LCMT1: variants seen among roughly 807,000 people sequenced by gnomAD.
LCMT1 encodes the protein leucine carboxyl methyltransferase 1.
Under a neutral mutation model 47.7 loss-of-function variants are expected in LCMT1, and 32 were observed. The observed-to-expected ratio is 0.67, with a 90% CI of 0.51 to 0.90. The LOEUF is 0.90. Ranked by LOEUF, LCMT1 falls within the 40% of genes least tolerant of loss-of-function variation. The probability of loss-of-function intolerance (pLI) is 0.00; values close to 1 mark genes in which losing one functional copy is unlikely to be tolerated. For synonymous variants in LCMT1, 152 were observed against 149.7 expected (o/e 1.02, Z -0.11); for missense variants, 375 against 415.2 (o/e 0.90, Z 0.84).
intron 1 of LCMT1, among the ~76,000 whole-genome samples, chr16:25,118,279 T>C (rs1315952450): frequency 1.3e-5 from 2 of 152,026 alleles, no homozygotes; most frequent in Admixed American, 6.6e-5. Flanking sequence ...CGCCATCCTT[T>C]CAGTTCATCT....
chr16:25,116,138 A>G (rs1378370051), intron 1 of LCMT1, among the ~76,000 whole-genome samples: 2 of 152,314 alleles, frequency 1.3e-5, no homozygotes, highest in Non-Finnish European at 2.9e-5. Context: ...CATCAGTAAG[A>G]GAGTGTTAGA....
chr16:25,156,342 T>C (rs1206547852), intron 5 of LCMT1, among the ~76,000 whole-genome samples: 1 of 152,238 alleles, frequency 6.6e-6, no homozygotes, highest in Non-Finnish European at 1.5e-5. Context: ...TTTACCACTG[T>C]AATCTCTGCA....
At chr16:25,154,291 G>C (rs1203163661) in intron 5 of LCMT1, among the ~76,000 whole-genome samples, 1 of 151,760 alleles carries the variant, frequency 6.6e-6, no homozygotes, top group African/African-American at 2.4e-5. Context: ...GATTACAGGC[G>C]TGAGCCACTG....
intron 1 of LCMT1, among the ~76,000 whole-genome samples, chr16:25,122,303 GA>G (rs1367928041): frequency 1.3e-5 from 2 of 151,580 alleles, no homozygotes; most frequent in African/African-American, 4.8e-5. Flanking sequence ...CTCTCCTGAT[GA>G]TGATGATGAT....
Position 25,170,741 on chromosome 16 carries a change from GA to G in LCMT1, c.823del (p.Thr275GlnfsTer7), listed in dbSNP as rs1567329443. The G allele has an allele frequency of 1.2e-6, 2 of 1,613,464 alleles. No homozygotes were observed. The highest frequency in any genetic ancestry group is 1.3e-5 in the African/African-American group (1 of 75,016). Reference sequence around the variant, plus strand: ...AGAACGGCTCCTGTCGAATGGGTGGGAAACAGCATCGGCCGTCGACATGATG... The same window carrying G: ...AGAACGGCTCCTGTCGAATGGGTGGGAACAGCATCGGCCGTCGACATGATG... The part of the protein sequence containing the change: ...QKERLLSNGW[E>X]TASAVDMMEL... On this transcript the variant is annotated frameshift_variant, in exon 9 of 11. Transcript: ENST00000399069. LOFTEE classifies it high-confidence loss of function.
chr16:25,170,691 T>C, intron 8 of LCMT1, 23 bp from the exon 9 acceptor site: 1 of 1,592,166 alleles, frequency 6.3e-7, no homozygotes, highest in Non-Finnish European at 8.6e-7. Context: ...TAGTTCTCCA[T>C]TTCTCTTCGT....
intron 3 of LCMT1, among the ~76,000 whole-genome samples, chr16:25,134,213 C>G (rs1387350347): frequency 1.3e-5 from 2 of 152,124 alleles, no homozygotes; most frequent in African/African-American, 4.8e-5. Context: ...ATCAGTTCAC[C>G]TGATATGAAG....
rs530511538 is a variant in LCMT1, at chr16:25,136,234, G to A, written c.327+3711G>A. On this transcript the variant is annotated intron_variant, in intron 3 of 10. Transcript: ENST00000399069. ...TACTTTTCTCCATCTCCCTGTGGAG[G>A]GAAGCAGGGTCAATTTTGGCAGTCT... Among the ~76,000 whole-genome samples, 40 of 152,102 alleles carry A rather than the reference G, an allele frequency of 2.6e-4. 1 individual carries two copies. The highest frequency in any genetic ancestry group is 4.1e-4 in the Non-Finnish European group (28 of 68,014).
chr16:25,117,278 G>A (rs1005803944), intron 1 of LCMT1, among the ~76,000 whole-genome samples: 1 of 152,198 alleles, frequency 6.6e-6, no homozygotes, highest in African/African-American at 2.4e-5. Context: ...TGGCCAGGGT[G>A]ATTGTCAGGA....
At chr16:25,126,704 TC>T (rs1189522323) in intron 1 of LCMT1, among the ~76,000 whole-genome samples, 2 of 152,138 alleles carry the variant, frequency 1.3e-5, no homozygotes, top group Non-Finnish European at 2.9e-5. Context: ...TATCCAAGAG[TC>T]CAGCAAGTTA....
chr16:25,171,036 G>A (rs1019099560), intron 9 of LCMT1, among the ~76,000 whole-genome samples: 4 of 152,128 alleles, frequency 2.6e-5, no homozygotes, highest in Non-Finnish European at 5.9e-5. Context: ...AGGAGTTCGA[G>A]ACCGGCCTGG....
At chr16:25,176,299 G>C (rs762055379) in intron 10 of LCMT1, among the ~76,000 whole-genome samples, 2 of 152,072 alleles carry the variant, frequency 1.3e-5, no homozygotes, top group Non-Finnish European at 2.9e-5. Flanking sequence ...GGCCTTCAGT[G>C]GAATAGCTGC....
At chr16:25,153,611 T>C (rs1961145429) in intron 5 of LCMT1, among the ~76,000 whole-genome samples, 2 of 152,238 alleles carry the variant, frequency 1.3e-5, no homozygotes, top group Admixed American at 6.5e-5. Context: ...GAGGGACACA[T>C]TCAAACCATA....
intron 1 of LCMT1, among the ~76,000 whole-genome samples, chr16:25,125,791 C>T (rs1960154997): frequency 6.6e-6 from 1 of 151,572 alleles, no homozygotes; most frequent in African/African-American, 2.4e-5. Context: ...GAGATCACGC[C>T]ATTGCACTCC....
chr16:25,165,409 C>T lies in LCMT1; in HGVS notation c.690+691C>T, dbSNP rs1430905642. On this transcript the variant is annotated intron_variant, in intron 7 of 10. Transcript: ENST00000399069. ...CTCTCAGCTATGTGAACTTAGGCAG[C>T]ACAGCTTAGTGATTGGGAGTCCATT... Among the ~76,000 whole-genome samples the T allele has an allele frequency of 3.3e-5, 5 of 152,184 alleles. No homozygotes were observed. The South Asian group carries it at 1.0e-3, about 32-fold the overall frequency.
At chr16:25,135,966 C>T (rs1401952872) in intron 3 of LCMT1, among the ~76,000 whole-genome samples, 2 of 151,864 alleles carry the variant, frequency 1.3e-5, no homozygotes, top group African/African-American at 4.8e-5. Context: ...TGGTGCACAC[C>T]TGTGGTCCCA....
At chr16:25,133,385 GTTTTTTTTTTTT>G (rs1177872054) in intron 3 of LCMT1, among the ~76,000 whole-genome samples, 2 of 52,586 alleles carry the variant, frequency 3.8e-5, no homozygotes, top group African/African-American at 1.4e-4. Flanking sequence ...CTGGGCTTAG[GTTTTTTTTTTTT>G]TTTTTTTTTT....
chr16:25,177,852 C>G (rs530017561), intron 10 of LCMT1, 149 bp from the exon 11 acceptor site: 1 of 723,994 alleles, frequency 1.4e-6, no homozygotes, highest in African/African-American at 1.8e-5. Flanking sequence ...TGTTTCCTTG[C>G]GAAACCTCAT....
chr16:25,170,690 A>G (rs1961731781), intron 8 of LCMT1, 24 bp from the exon 9 acceptor site: 2 of 1,588,950 alleles, frequency 1.3e-6, no homozygotes, highest in Non-Finnish European at 1.7e-6. Context: ...CTAGTTCTCC[A>G]TTTCTCTTCG....
Sources: gnomAD v4.1 joint callset for allele counts (sites outside exome capture counted in the v4.1 genomes callset) on GRCh38, gnomAD v4.1.1 for gene constraint, MANE v1.5 for transcripts, NCBI Gene and HGNC (gene_info 2026-07-23, HGNC 2026-07-21) for gene names.